CCDC171: variants seen among roughly 807,000 people sequenced by gnomAD.
CCDC171 encodes the protein coiled-coil domain-containing protein 171.
CCDC171 carries 177 observed loss-of-function variants against 168.2 expected under a neutral mutation model. That is an observed-to-expected ratio of 1.05 (90% confidence interval 0.93 to 1.19). CCDC171 has a LOEUF of 1.19. Among genes scored for constraint, CCDC171 ranks in the 50% most tolerant of loss-of-function variants. The pLI, the probability that CCDC171 is intolerant of heterozygous loss-of-function variation, is 0.00. For missense variants in CCDC171, 1,991 were observed against 1,539.0 expected (o/e 1.29, Z -4.91); for synonymous variants, 687 against 540.8 (o/e 1.27, Z -3.75).
intron 8 of CCDC171, among the ~76,000 whole-genome samples, chr9:15,665,047 C>T (rs1587830898): frequency 1.3e-5 from 2 of 152,214 alleles, no homozygotes; most frequent in Non-Finnish European, 2.9e-5. Flanking sequence ...ACCCATCGCC[C>T]AGCTTCAATA....
intron 20 of CCDC171, among the ~76,000 whole-genome samples, chr9:15,783,632 T>C (rs2057782186): frequency 6.6e-6 from 1 of 152,216 alleles, no homozygotes; most frequent in Non-Finnish European, 1.5e-5. Context: ...GTCTCTGTTG[T>C]TTGTTGTATC....
intron 3 of CCDC171, among the ~76,000 whole-genome samples, chr9:16,002,019 A>G (rs891440962): frequency 2.6e-5 from 4 of 151,294 alleles, no homozygotes; most frequent in Non-Finnish European, 5.9e-5. Context: ...TTGTAGAGAC[A>G]GGGTCTCACT....
At chr9:15,952,156 G>A (rs1193522145) in intron 25 of CCDC171, among the ~76,000 whole-genome samples, 1 of 152,018 alleles carries the variant, frequency 6.6e-6, no homozygotes, top group Non-Finnish European at 1.5e-5. Flanking sequence ...CCCATTAAAT[G>A]GTGTTGACAT....
intron 3 of CCDC171, among the ~76,000 whole-genome samples, chr9:16,005,686 G>A (rs933480500): frequency 2.6e-5 from 4 of 152,144 alleles, no homozygotes; most frequent in Non-Finnish European, 4.4e-5. Context: ...AAGTAATCTA[G>A]AGAGGATTTA....
chr9:15,651,730 C>G (rs1208802526), intron 7 of CCDC171, among the ~76,000 whole-genome samples: 1 of 151,972 alleles, frequency 6.6e-6, no homozygotes, highest in Non-Finnish European at 1.5e-5. Context: ...TATATATAAC[C>G]CACTTTCTTT....
intron 23 of CCDC171, among the ~76,000 whole-genome samples, chr9:15,861,240 G>T (rs1397047681): frequency 6.7e-6 from 1 of 148,476 alleles, no homozygotes; most frequent in Non-Finnish European, 1.5e-5. Flanking sequence ...AATCCGTTCA[G>T]CCACTCTGTG....
intron 8 of CCDC171, among the ~76,000 whole-genome samples, chr9:15,657,605 G>A (rs866681546): frequency 1.3e-5 from 2 of 152,244 alleles, no homozygotes; most frequent in South Asian, 4.1e-4. Flanking sequence ...AAATGTGCAT[G>A]TTATTTATTG....
chr9:15,764,405 C>T (rs1352994615), intron 18 of CCDC171, among the ~76,000 whole-genome samples: 1 of 152,134 alleles, frequency 6.6e-6, no homozygotes, highest in Non-Finnish European at 1.5e-5. Flanking sequence ...AATAGTATAA[C>T]ATCATTGGAC....
intron 21 of CCDC171, among the ~76,000 whole-genome samples, chr9:15,798,493 T>C (rs2058665327): frequency 6.6e-6 from 1 of 152,188 alleles, no homozygotes; most frequent in Non-Finnish European, 1.5e-5. Flanking sequence ...GTTTGTTACA[T>C]AGGTATACAT....
chr9:15,836,328 C>G (rs2060448440), intron 21 of CCDC171, among the ~76,000 whole-genome samples: 1 of 152,092 alleles, frequency 6.6e-6, no homozygotes, highest in South Asian at 2.1e-4. Flanking sequence ...TGTTCTTTAT[C>G]TGGAACGCTG....
intron 25 of CCDC171, chr9:15,922,172 A>C: frequency 2.4e-6 from 1 of 409,856 alleles, no homozygotes; most frequent in Non-Finnish European, 5.1e-6. Flanking sequence ...TCATCTATAG[A>C]ATGCGAAACA....
At position 15,678,848 on chromosome 9, in the gene CCDC171, C is replaced by A; in HGVS notation, c.1167C>A (p.Leu389=). 6.3e-7 allele frequency: 1 copy of A among 1,593,192 alleles called. No homozygotes were observed. Among genetic ancestry groups the A allele is most frequent in the South Asian group, 1.2e-5 (1 of 85,892 alleles). ...TAATTATAGACCTTTCAAAGAGACT[C>A]CAGTATAATGAAAAAAGTTGCAGTG... ...KKVIIDLSKR[L]QYNEKSCSEL... The change falls in exon 10 of 26, where the codon CTC becomes CTA. Residue 389 remains leucine, a synonymous_variant. Coordinates refer to ENST00000380701, the MANE Select transcript of CCDC171 (RefSeq NM_173550.4).
chr9:15,999,731 A>G (rs565909285), intron 3 of CCDC171, among the ~76,000 whole-genome samples: 4 of 152,146 alleles, frequency 2.6e-5, no homozygotes, highest in Admixed American at 2.0e-4. Context: ...CTCCTACACT[A>G]TCTTCTCTTT....
chr9:15,876,984 G>A lies in CCDC171; in HGVS notation c.3600+2321G>A, dbSNP rs75327100. On this transcript the variant is annotated intron_variant, in intron 24 of 25. Coordinates refer to ENST00000380701, the MANE Select transcript of CCDC171 (RefSeq NM_173550.4). ...GCTGAAGTTTTCTGTCTTTTTCAAT[G>A]GGGGCAAACTTTATTATAGGTATAA... 6.9e-3 allele frequency among the ~76,000 whole-genome samples: 1,045 copies of A among 152,054 alleles called. 8 individuals are homozygous for A. The highest frequency in any genetic ancestry group is 0.024 in the African/African-American group (992 of 41,496).
At chr9:16,095,789 C>A in the CCDC171 span, among the ~76,000 whole-genome samples, 2 of 150,512 alleles carry the variant, frequency 1.3e-5, no homozygotes, top group Non-Finnish European at 2.9e-5. Context: ...TTTAATACTT[C>A]ATAGGGCTAT....
chr9:15,608,843 G>A (rs1361651798), intron 6 of CCDC171, among the ~76,000 whole-genome samples: 1 of 144,510 alleles, frequency 6.9e-6, no homozygotes, highest in Non-Finnish European at 1.5e-5. Context: ...CTGTGATCCT[G>A]GCTACTAGGG....
At chr9:16,067,228 T>C in the CCDC171 span, among the ~76,000 whole-genome samples, 1 of 152,066 alleles carries the variant, frequency 6.6e-6, no homozygotes, top group Non-Finnish European at 1.5e-5. Context: ...ATGAGCATTT[T>C]TTCATGTGTT....
At chr9:15,654,089 C>G (rs1415758122) in intron 7 of CCDC171, among the ~76,000 whole-genome samples, 4 of 151,878 alleles carry the variant, frequency 2.6e-5, no homozygotes, top group African/African-American at 4.8e-5. Flanking sequence ...TTTTTAAATA[C>G]TCTAGTAGTA....
intron 16 of CCDC171, among the ~76,000 whole-genome samples, chr9:15,737,816 T>C (rs994248240): frequency 2.6e-5 from 4 of 152,124 alleles, no homozygotes; most frequent in African/African-American, 9.7e-5. Flanking sequence ...GATAATAGGA[T>C]TGCTAGATCA....
Sources: allele counts gnomAD v4.1 joint callset (sites outside exome capture counted in the v4.1 genomes callset), GRCh38; gene constraint gnomAD v4.1.1; transcripts MANE v1.5; gene names NCBI Gene and HGNC (gene_info 2026-07-23, HGNC 2026-07-21).